ARIH1: variants seen among roughly 807,000 people sequenced by gnomAD.
The protein encoded by ARIH1 is ariadne RBR E3 ubiquitin protein ligase 1, also known as E3 ubiquitin-protein ligase ARIH1.
In ARIH1, 8 loss-of-function variants were observed where a neutral mutation model predicts 85.0. The observed-to-expected ratio is 0.09, with a 90% CI of 0.06 to 0.17. ARIH1 has a LOEUF of 0.17. Among genes scored for constraint, ARIH1 ranks in the 10% least tolerant of loss-of-function variants. ARIH1 has a pLI of 1.00. For missense variants in ARIH1, 311 were observed against 718.1 expected (o/e 0.43, Z 6.48); for synonymous variants, 238 against 253.6 (o/e 0.94, Z 0.59).
intron 1 of ARIH1, among the ~76,000 whole-genome samples, chr15:72,506,151 A>G (rs2063923671): frequency 1.3e-5 from 2 of 151,988 alleles, no homozygotes; most frequent in South Asian, 4.1e-4. Flanking sequence ...GATCGAGACC[A>G]TCCTGGCTAA....
intron 11 of ARIH1, among the ~76,000 whole-genome samples, chr15:72,576,505 CAAAAAAAAAA>C (rs35725065): frequency 3.2e-5 from 2 of 63,276 alleles, no homozygotes; most frequent in African/African-American, 1.5e-4. Context: ...GACTCTGTCT[CAAAAAAAAAA>C]AAAAAAAAAA....
intron 2 of ARIH1, among the ~76,000 whole-genome samples, chr15:72,528,153 G>A (rs2064038686): frequency 6.6e-6 from 1 of 152,156 alleles, no homozygotes; most frequent in East Asian, 1.9e-4. Flanking sequence ...ACTCATTTCA[G>A]TTGATAGTAT....
Position 72,601,520 on chromosome 15 carries a change from A to C in ARIH1, c.*18228A>C, listed in dbSNP as rs2064382341. 1 of 152,222 alleles carries C rather than the reference A, an allele frequency of 6.6e-6. No homozygotes were observed. Among genetic ancestry groups the C allele is most frequent in the African/African-American group, 2.4e-5 (1 of 41,448 alleles). The allele number at this position is 152,222 out of a possible 1,614,324, so 9.4% of individuals were successfully genotyped here. On this transcript the variant is annotated 3_prime_UTR_variant, in exon 14 of 14. Transcript: ENST00000379887. ...TTTGCACAAGTTCTTCCTTTGCCTT[A>C]GAATTCTTTCCTGGCCTGCACATGT...
chr15:72,496,684 TG>T, intron 1 of ARIH1: 1 of 405,096 alleles, frequency 2.5e-6, no homozygotes, highest in Non-Finnish European at 3.3e-6. Context: ...TGTTTTCTTC[TG>T]GTTTTCCCCA....
At chr15:72,507,070 T>A (rs2140404797) in intron 1 of ARIH1, among the ~76,000 whole-genome samples, 1 of 152,290 alleles carries the variant, frequency 6.6e-6, no homozygotes, top group Admixed American at 6.5e-5. Flanking sequence ...TCGCCCAGGC[T>A]GGAGTGCAGT....
intron 1 of ARIH1, among the ~76,000 whole-genome samples, chr15:72,485,239 G>A (rs1354704905): frequency 6.6e-6 from 1 of 152,148 alleles, no homozygotes; most frequent in Non-Finnish European, 1.5e-5. Context: ...ATCACCATGA[G>A]GGTAATGACA....
At chr15:72,501,589 A>C (rs1278429683) in intron 1 of ARIH1, among the ~76,000 whole-genome samples, 1 of 152,206 alleles carries the variant, frequency 6.6e-6, no homozygotes, top group Non-Finnish European at 1.5e-5. Context: ...CATTGAAGTC[A>C]CGCGAATGTT....
Position 72,602,435 on chromosome 15 carries a change from G to A in ARIH1, c.*19143G>A, listed in dbSNP as rs2140449666. On this transcript the variant is annotated 3_prime_UTR_variant, in exon 14 of 14. Transcript: ENST00000379887. Reference sequence around the variant, plus strand: ...GTTAAAGAGCCATTTGTATTTCTTGGTGAATTGTTCATAAACTTTGCTTAC... The same window carrying A: ...GTTAAAGAGCCATTTGTATTTCTTGATGAATTGTTCATAAACTTTGCTTAC... The A allele has an allele frequency of 6.6e-6, 1 of 152,222 alleles. No homozygotes were observed. Among genetic ancestry groups the A allele is most frequent in the Non-Finnish European group, 1.5e-5 (1 of 68,014 alleles). 9.4% of individuals were successfully genotyped at this position (152,222 alleles called of 1,614,324 possible).
rs1258709818 is a variant in ARIH1, at chr15:72,475,086, G to A, written c.375+72G>A. The A allele has an allele frequency of 3.9e-6, 6 of 1,535,512 alleles. No individual in the cohort carries two copies. The East Asian group carries it at 1.3e-4, about 32-fold the overall frequency. ...GGATTCAGGCGGCACGCGCGGTCCC[G>A]AGGGACAGGCCTGGGCCTGGTGCGC... On this transcript the variant is annotated intron_variant, in intron 1 of 13. Coordinates refer to ENST00000379887, the MANE Select transcript of ARIH1 (RefSeq NM_005744.5).
chr15:72,541,918 A>G (rs2064109084), intron 2 of ARIH1, among the ~76,000 whole-genome samples: 2 of 152,226 alleles, frequency 1.3e-5, no homozygotes, highest in African/African-American at 4.8e-5. Context: ...CAGAGTAACA[A>G]TGGGATGTAA....
intron 3 of ARIH1, among the ~76,000 whole-genome samples, chr15:72,547,079 C>CA (rs2064132866): frequency 6.6e-6 from 1 of 151,086 alleles, no homozygotes; most frequent in South Asian, 2.1e-4. Flanking sequence ...AGGCGTCTGC[C>CA]ATCACGCCTG....
At chr15:72,545,003 A>C (rs779301712) in intron 3 of ARIH1, 39 bp downstream of exon 3, 1 of 1,491,306 alleles carries the variant, frequency 6.7e-7, no homozygotes, top group Non-Finnish European at 9.0e-7. Context: ...CTGACTTTGT[A>C]TTTCAGAGGG....
chr15:72,582,068 CT>C lies in ARIH1; in HGVS notation c.1477-5del. The stretch of plus-strand genomic sequence containing the variant: ...GAAGCCAAAATTTACTTTCATTCTT[CT>C]TACAGAATAACCAAGCAGATCTAGA... On this transcript the variant is annotated splice_polypyrimidine_tract_variant and splice_region_variant and intron_variant, in intron 12 of 13. Transcript: ENST00000379887. The surrounding 1 kb of genome is among the most constrained non-coding windows in gnomAD (Gnocchi z 4.6). 1.3e-6 allele frequency: 2 copies of C among 1,584,032 alleles called. No individual in the cohort carries two copies. The highest frequency in any genetic ancestry group is 1.7e-6 in the Non-Finnish European group (2 of 1,164,256).
rs181626017 is a variant in ARIH1 at position 72,501,382 on chromosome 15, T to C, written c.376-16685T>C. Among the ~76,000 whole-genome samples, 14 of 152,366 alleles carry C rather than the reference T, an allele frequency of 9.2e-5. No individual in the cohort carries two copies. The East Asian group carries it at 2.5e-3, about 27-fold the overall frequency. The stretch of plus-strand genomic sequence containing the variant: ...TGTTATTGAACAAAATCTTATTTAC[T>C]GTATATACAAATATATAGTATGGAT... On this transcript the variant is annotated intron_variant, in intron 1 of 13. Transcript: ENST00000379887.
chr15:72,474,913 G>A lies in ARIH1; in HGVS notation c.274G>A (p.Gly92Arg). Residue 92 changes from glycine (G) to arginine (R), a missense_variant, in exon 1 of 14, where the codon GGG (glycine) becomes AGG (arginine). Coordinates refer to ENST00000379887, the MANE Select transcript of ARIH1 (RefSeq NM_005744.5). ...GGGGGGGGGP[G>R]HEQEEDYRYE... is the part of the protein sequence containing the mutation. Reference sequence around the variant, plus strand: ...CGGCGGCGGTGGTGGTGGCGGGCCGGGGCATGAGCAGGAGGAGGATTACCG... The same window carrying A: ...CGGCGGCGGTGGTGGTGGCGGGCCGAGGCATGAGCAGGAGGAGGATTACCG... 1 of 1,476,872 alleles carries A rather than the reference G, an allele frequency of 6.8e-7. No individual in the cohort carries two copies. The highest frequency in any genetic ancestry group is 9.0e-7 in the Non-Finnish European group (1 of 1,110,396). The allele number at this position is 1,476,872 out of a possible 1,614,324, so 91.5% of individuals were successfully genotyped here. A position where few individuals can be genotyped will look rare whatever the true frequency, so the allele number is the denominator to read the frequency against.
chr15:72,500,339 C>T lies in ARIH1; in HGVS notation c.376-17728C>T, dbSNP rs147338963. Among the ~76,000 whole-genome samples, 58 of 152,128 alleles carry T rather than the reference C, an allele frequency of 3.8e-4. No individual in the cohort carries two copies. The East Asian group carries it at 9.5e-3, about 25-fold the overall frequency. ...CGATCTCTTGACCTCGTGATCTGCC[C>T]GCCTCGGCCTCCCAAAGTGCTGGGA... is the stretch of plus-strand genomic sequence containing the variant. On this transcript the variant is annotated intron_variant, in intron 1 of 13. Coordinates refer to ENST00000379887, the MANE Select transcript of ARIH1 (RefSeq NM_005744.5).
At chr15:72,557,548 TTTAA>T (rs1474799928) in intron 5 of ARIH1, among the ~76,000 whole-genome samples, 5 of 152,222 alleles carry the variant, frequency 3.3e-5, no homozygotes, top group Non-Finnish European at 5.9e-5. Context: ...AGCTCATTAG[TTTAA>T]TTAAGTCCCA....
At chr15:72,494,572 C>T (rs879894648) in intron 1 of ARIH1, among the ~76,000 whole-genome samples, 3 of 151,996 alleles carry the variant, frequency 2.0e-5, no homozygotes, top group Non-Finnish European at 2.9e-5. Flanking sequence ...AAGCTTTTAG[C>T]GTAGTGCTGT....
At chr15:72,508,079 A>T (rs941716960) in intron 1 of ARIH1, among the ~76,000 whole-genome samples, 2 of 152,184 alleles carry the variant, frequency 1.3e-5, no homozygotes, top group African/African-American at 2.4e-5. Context: ...TTGAATCAGA[A>T]TTGCTGGGGG....
Sources: allele counts gnomAD v4.1 joint callset (sites outside exome capture counted in the v4.1 genomes callset), GRCh38; gene constraint gnomAD v4.1.1; non-coding constraint Gnocchi (gnomAD v3.1); transcripts MANE v1.5; gene names NCBI Gene and HGNC (gene_info 2026-07-23, HGNC 2026-07-21).